The following PPP1R12A variants were observed in gnomAD, a reference collection of about 807,000 sequenced individuals.
The protein encoded by PPP1R12A is protein phosphatase 1 regulatory subunit 12A.
PPP1R12A carries 19 observed loss-of-function variants against 139.6 expected under a neutral mutation model. The ratio of observed to expected loss-of-function variants is 0.14; its 90% CI spans 0.09 to 0.20. PPP1R12A has a LOEUF of 0.20. PPP1R12A is among the 10% of genes least tolerant of loss of function. The pLI is 1.00. For missense variants in PPP1R12A, 925 were observed against 1,211.5 expected, an observed-to-expected ratio of 0.76 and a Z score of 3.51; for synonymous variants, 427 against 420.6, an observed-to-expected ratio of 1.02 and a Z score of -0.19.
intron 1 of PPP1R12A, among the ~76,000 whole-genome samples, chr12:79,886,739 A>C (rs1053550668): frequency 6.6e-6 from 1 of 152,186 alleles, no homozygotes; most frequent in Non-Finnish European, 1.5e-5. Context: ...CTAAAGAAAA[A>C]GTAATTTAAT....
intron 1 of PPP1R12A, among the ~76,000 whole-genome samples, chr12:79,908,363 T>C (rs1442272449): frequency 6.6e-6 from 1 of 152,208 alleles, no homozygotes; most frequent in Non-Finnish European, 1.5e-5. Context: ...TATTCCAAAA[T>C]AGGAAAAGAG....
chr12:79,913,705 CACAA>C (rs767944254), intron 1 of PPP1R12A: 3 of 152,160 alleles, frequency 2.0e-5, no homozygotes, highest in African/African-American at 4.8e-5. Context: ...CACATGCATA[CACAA>C]ACAGACAATG....
At chr12:79,874,177 G>A (rs1051082826) in intron 1 of PPP1R12A, among the ~76,000 whole-genome samples, 4 of 151,894 alleles carry the variant, frequency 2.6e-5, no homozygotes, top group African/African-American at 9.7e-5. Context: ...GGGAGGCTGA[G>A]GCAGGAGAAT....
At chr12:79,828,236 C>T (rs1877026235) in intron 5 of PPP1R12A, 84 bp downstream of exon 5, 1 of 1,212,976 alleles carries the variant, frequency 8.2e-7, no homozygotes, top group Non-Finnish European at 1.1e-6. Flanking sequence ...ATCCTTATAA[C>T]CTTTTGAGAC....
At chr12:79,933,630 T>C (rs562358104) in intron 1 of PPP1R12A, among the ~76,000 whole-genome samples, 1 of 152,358 alleles carries the variant, frequency 6.6e-6, no homozygotes, top group Admixed American at 6.5e-5. Context: ...AAAGCCTATG[T>C]TTTGTCACCT....
In PPP1R12A at chr12:79,819,823, A is replaced by C. The variant is rs190740674; in HGVS notation, c.1114+951T>G. On this transcript the variant is annotated intron_variant, in intron 8 of 24. Transcript: ENST00000450142. ...CATGGTAACATGTGCTTGTTGTCCCAGCTACTGGAGAAGCTGAGGAGGATC... is the reference window on the plus strand; with the variant it reads ...CATGGTAACATGTGCTTGTTGTCCCCGCTACTGGAGAAGCTGAGGAGGATC... Among the ~76,000 whole-genome samples, 15 of 152,208 alleles carry C rather than the reference A, an allele frequency of 9.9e-5. No individual in the cohort carries two copies. The East Asian group carries it at 2.7e-3, about 27-fold the overall frequency.
At chr12:79,792,615 T>C (rs1938522449) in intron 19 of PPP1R12A, among the ~76,000 whole-genome samples, 2 of 152,216 alleles carry the variant, frequency 1.3e-5, no homozygotes, top group South Asian at 4.1e-4. Flanking sequence ...GTATCTCATA[T>C]GATTTTAACA....
chr12:79,879,642 T>G (rs925079967), intron 1 of PPP1R12A, among the ~76,000 whole-genome samples: 1 of 152,242 alleles, frequency 6.6e-6, no homozygotes, highest in South Asian at 2.1e-4. Flanking sequence ...AAAGGATACA[T>G]ACTGCAGGTC....
intron 24 of PPP1R12A, chr12:79,777,212 TAA>T (rs1196587085): frequency 1.1e-6 from 1 of 924,004 alleles, no homozygotes; most frequent in Non-Finnish European, 1.3e-6. Context: ...TAAAGAACTG[TAA>T]ATAATAGTCA....
At chr12:79,837,188 T>C (rs1878185390) in intron 3 of PPP1R12A, among the ~76,000 whole-genome samples, 1 of 152,094 alleles carries the variant, frequency 6.6e-6, no homozygotes, top group African/African-American at 2.4e-5. Context: ...GAAAATAATA[T>C]ATAATAAAAC....
chr12:79,784,251 G>C (rs1462057608), intron 22 of PPP1R12A, among the ~76,000 whole-genome samples: 1 of 152,082 alleles, frequency 6.6e-6, no homozygotes, highest in Non-Finnish European at 1.5e-5. Flanking sequence ...ATGCTTATCA[G>C]TTTTACTTTT....
At chr12:79,848,962 T>C (rs1238460008) in intron 2 of PPP1R12A, 1 of 151,966 alleles carries the variant, frequency 6.6e-6, no homozygotes, top group Non-Finnish European at 1.5e-5. Flanking sequence ...TAGTTGAGTA[T>C]AATACATTGT....
At chr12:79,826,128 A>C (rs144573208) in intron 5 of PPP1R12A, among the ~76,000 whole-genome samples, 133 of 152,122 alleles carry the variant, frequency 8.7e-4, no homozygotes, top group African/African-American at 3.1e-3. Flanking sequence ...GGAAACTAAA[A>C]CGAAAAGAAG....
rs148922814 is a variant in PPP1R12A, at chr12:79,923,535, T to C, written c.237+11160A>G. On this transcript the variant is annotated intron_variant, in intron 1 of 24. Transcript: ENST00000450142. ...AGAAAATTAGGTATGACCCCATTTA[T>C]AGAAAATTACATACTTGTACAGAGA... 3.5e-3 allele frequency among the ~76,000 whole-genome samples: 529 copies of C among 152,308 alleles called. 5 individuals are homozygous for C. The highest frequency in any genetic ancestry group is 0.012 in the African/African-American group (509 of 41,574).
At chr12:79,862,083 A>AG (rs1253361969) in intron 2 of PPP1R12A, among the ~76,000 whole-genome samples, 2 of 151,978 alleles carry the variant, frequency 1.3e-5, no homozygotes, top group South Asian at 4.2e-4. Flanking sequence ...CACCTCATAC[A>AG]GGGGGGTGCC....
At chr12:79,863,616 G>A (rs371817960) in intron 2 of PPP1R12A, among the ~76,000 whole-genome samples, 107 of 136,458 alleles carry the variant, frequency 7.8e-4, no homozygotes, top group Non-Finnish European at 1.4e-3. Flanking sequence ...TAGAGGGATG[G>A]AGGAAGATCT....
chr12:79,846,685 T>C (rs922514669), intron 2 of PPP1R12A, among the ~76,000 whole-genome samples: 25 of 150,480 alleles, frequency 1.7e-4, no homozygotes, highest in Admixed American at 7.3e-4. Flanking sequence ...TGCCTCGGCC[T>C]CCCAAAGTGC....
At chr12:79,851,819 A>G (rs1314480359) in intron 2 of PPP1R12A, among the ~76,000 whole-genome samples, 1 of 151,966 alleles carries the variant, frequency 6.6e-6, no homozygotes, top group South Asian at 2.1e-4. Context: ...TTTTTAGCCT[A>G]TTTTCTCTCT....
intron 2 of PPP1R12A, among the ~76,000 whole-genome samples, chr12:79,871,124 A>G (rs1243871130): frequency 6.6e-6 from 1 of 152,206 alleles, no homozygotes; most frequent in African/African-American, 2.4e-5. Flanking sequence ...GAAAAAACTG[A>G]AAGATTCCAG....
Sources: gnomAD v4.1 joint callset for allele counts (sites outside exome capture counted in the v4.1 genomes callset) on GRCh38, gnomAD v4.1.1 for gene constraint, MANE v1.5 for transcripts, NCBI Gene and HGNC (gene_info 2026-07-23, HGNC 2026-07-21) for gene names.